Variants in EYS observed in about 807,000 individuals in gnomAD.
EYS encodes the protein protein eyes shut homolog.
A neutral mutation model predicts 282.1 loss-of-function variants in EYS; 250 were observed. The ratio of observed to expected loss-of-function variants is 0.89; its 90% CI spans 0.80 to 0.98. The LOEUF (loss-of-function observed/expected upper bound fraction) is 0.98. EYS is among the 50% of genes least tolerant of loss of function. EYS has a pLI of 0.00. For missense variants in EYS, 4,016 were observed against 3,709.0 expected, an observed-to-expected ratio of 1.08 and a Z score of -2.15; for synonymous variants, 1,355 against 1,282.9, an observed-to-expected ratio of 1.06 and a Z score of -1.20.
rs35899013 is a variant in EYS at position 64,009,285 on chromosome 6, A to AT, written c.6726-10103dup. Among the ~76,000 whole-genome samples, 940 of 139,528 alleles carry AT rather than the reference A, an allele frequency of 6.7e-3. 7 individuals are homozygous for AT. The highest frequency in any genetic ancestry group is 0.039 in the East Asian group (187 of 4,840). 91.5% of individuals were successfully genotyped at this position (139,528 alleles called of 152,430 possible). ...GTTAATTTGTGTTAGGAAATTCTCG[A>AT]TTTTTTTTTTTTTTTGGAGACGGAG... On this transcript the variant is annotated intron_variant, in intron 33 of 42. Transcript: ENST00000503581.
intron 30 of EYS, among the ~76,000 whole-genome samples, chr6:64,240,558 T>G (rs568531344): frequency 2.6e-5 from 4 of 152,216 alleles, no homozygotes; most frequent in Non-Finnish European, 2.9e-5. Context: ...TCTATTTGTC[T>G]GTTATTGGTG....
intron 32 of EYS, among the ~76,000 whole-genome samples, chr6:64,077,350 GATGTTAT>G (rs1252813590): frequency 2.0e-5 from 3 of 152,000 alleles, no homozygotes; most frequent in African/African-American, 7.2e-5. Context: ...GTCTAATGAA[GATGTTAT>G]ATATTCTGCT....
intron 2 of EYS, among the ~76,000 whole-genome samples, chr6:65,523,127 AT>A (rs965366016): frequency 5.3e-5 from 8 of 152,230 alleles, no homozygotes; most frequent in African/African-American, 1.4e-4. Flanking sequence ...GTTATATATG[AT>A]TTTTTTAAAT....
At chr6:65,677,857 A>C (rs148912700) in intron 1 of EYS, among the ~76,000 whole-genome samples, 3 of 152,176 alleles carry the variant, frequency 2.0e-5, no homozygotes, top group Non-Finnish European at 4.4e-5. Context: ...TAAACCAATG[A>C]AACAAGTTTG....
chr6:64,380,031 A>C (rs1027666049), intron 29 of EYS, among the ~76,000 whole-genome samples: 1 of 152,096 alleles, frequency 6.6e-6, no homozygotes, highest in Non-Finnish European at 1.5e-5. Context: ...TATCAACTCA[A>C]ATTGTGTCTG....
chr6:65,203,534 C>G (rs1318782496), intron 12 of EYS, among the ~76,000 whole-genome samples: 1 of 152,084 alleles, frequency 6.6e-6, no homozygotes, highest in Non-Finnish European at 1.5e-5. Context: ...AAGGACTCTA[C>G]CTGACATGTG....
At chr6:63,843,391 G>A (rs191515029) in intron 36 of EYS, among the ~76,000 whole-genome samples, 1 of 152,242 alleles carries the variant, frequency 6.6e-6, no homozygotes, top group East Asian at 1.9e-4. Flanking sequence ...GTTCACTCAT[G>A]ATTTGGCTGT....
intron 35 of EYS, among the ~76,000 whole-genome samples, chr6:63,866,701 A>C (rs1219914317): frequency 6.6e-6 from 1 of 152,188 alleles, no homozygotes; most frequent in Non-Finnish European, 1.5e-5. Context: ...TAGAGTAGAG[A>C]GAGAACTAGA....
chr6:64,525,473 G>A (rs1286303486), intron 26 of EYS, among the ~76,000 whole-genome samples: 1 of 151,572 alleles, frequency 6.6e-6, no homozygotes, highest in African/African-American at 2.4e-5. Context: ...GCTGAATAAT[G>A]AGAACTGATA....
intron 26 of EYS, among the ~76,000 whole-genome samples, chr6:64,482,281 G>C (rs1465236590): frequency 6.6e-6 from 1 of 151,646 alleles, no homozygotes; most frequent in Admixed American, 6.6e-5. Flanking sequence ...TTTGGCTTAT[G>C]CAGCCACTGG....
At chr6:64,475,016 TAG>T (rs1414752788) in intron 26 of EYS, among the ~76,000 whole-genome samples, 1 of 152,182 alleles carries the variant, frequency 6.6e-6, no homozygotes, top group Non-Finnish European at 1.5e-5. Flanking sequence ...ACGGGAAATA[TAG>T]GTGAGAAAAC....
intron 2 of EYS, among the ~76,000 whole-genome samples, chr6:65,499,985 A>G (rs142198971): frequency 6.6e-6 from 1 of 152,054 alleles, no homozygotes; most frequent in African/African-American, 2.4e-5. Context: ...AAGTCACCAT[A>G]GTGTCCAAAG....
intron 12 of EYS, among the ~76,000 whole-genome samples, chr6:65,078,798 G>GCT (rs1774135973): frequency 6.6e-6 from 1 of 151,870 alleles, no homozygotes; most frequent in African/African-American, 2.4e-5. Flanking sequence ...GGGGCCTGGT[G>GCT]GGAGGCGTTT....
chr6:65,085,876 A>G (rs1054646026), intron 12 of EYS, among the ~76,000 whole-genome samples: 1 of 152,026 alleles, frequency 6.6e-6, no homozygotes, highest in African/African-American at 2.4e-5. Context: ...TTGCATAGTT[A>G]TCCTTTCCTT....
intron 35 of EYS, among the ~76,000 whole-genome samples, chr6:63,949,573 A>G (rs561672023): frequency 5.3e-4 from 80 of 152,186 alleles, no homozygotes; most frequent in African/African-American, 7.9e-4. Context: ...CATTCATTCA[A>G]TAAATATATA....
chr6:65,267,928 G>C (rs1767801097), intron 12 of EYS, among the ~76,000 whole-genome samples: 1 of 151,464 alleles, frequency 6.6e-6, no homozygotes, highest in African/African-American at 2.4e-5. Context: ...CTTAGAAAAT[G>C]TGTGTCTCAC....
intron 26 of EYS, among the ~76,000 whole-genome samples, chr6:64,561,483 G>C (rs142545508): frequency 6.6e-6 from 1 of 152,084 alleles, no homozygotes; most frequent in East Asian, 1.9e-4. Context: ...AAAGTTTCAG[G>C]ATACAAAATC....
intron 5 of EYS, among the ~76,000 whole-genome samples, chr6:65,463,115 C>A (rs1764876941): frequency 1.3e-5 from 2 of 152,148 alleles, no homozygotes; most frequent in South Asian, 4.2e-4. Flanking sequence ...CCCCTCTGCT[C>A]AAAACTGCAG....
At chr6:65,697,821 C>T (rs1203276209) in intron 1 of EYS, among the ~76,000 whole-genome samples, 3 of 152,078 alleles carry the variant, frequency 2.0e-5, no homozygotes, top group African/African-American at 4.8e-5. Context: ...TCAGTATGCC[C>T]ATTGCCTAAT....
Sources: gnomAD v4.1 joint callset for allele counts (sites outside exome capture counted in the v4.1 genomes callset) on GRCh38, gnomAD v4.1.1 for gene constraint, MANE v1.5 for transcripts, NCBI Gene and HGNC (gene_info 2026-07-23, HGNC 2026-07-21) for gene names.